The following NECAB2 variants were observed in gnomAD, a reference collection of about 807,000 sequenced individuals.
The protein encoded by NECAB2 is N-terminal EF-hand calcium binding protein 2.
A neutral mutation model predicts 51.9 loss-of-function variants in NECAB2; 68 were observed. That is an observed-to-expected ratio of 1.31 (90% CI 1.08 to 1.60). The LOEUF (loss-of-function observed/expected upper bound fraction) is 1.60, where lower values mean the gene tolerates loss of function less well. NECAB2 is among the 40% of genes most tolerant of loss of function. NECAB2 has a pLI of 0.00. For missense variants in NECAB2, 854 were observed against 490.3 expected (o/e 1.74, Z -7.00); for synonymous variants, 329 against 203.5 (o/e 1.62, Z -5.25).
At chr16:83,998,463 A>T in intron 10 of NECAB2, 146 bp downstream of exon 10, 1 of 740,274 alleles carries the variant, frequency 1.4e-6, no homozygotes, top group Non-Finnish European at 2.2e-6. Context: ...AAGTGGGTTC[A>T]GGTCTCTACT....
intron 5 of NECAB2, among the ~76,000 whole-genome samples, chr16:83,983,898 CAG>C (rs962606857): frequency 2.0e-5 from 3 of 151,914 alleles, no homozygotes; most frequent in Admixed American, 6.6e-5. Context: ...CAGTGTTAAA[CAG>C]GGGAGGGGAT....
In NECAB2 at chr16:84,000,743, T is replaced by A. The variant is rs372410814; in HGVS notation, c.982T>A (p.Ser328Thr). The A allele has an allele frequency of 4.3e-6, 7 of 1,613,756 alleles. No individual in the cohort carries two copies. Among genetic ancestry groups the A allele is most frequent in the Non-Finnish European group, 5.9e-6 (7 of 1,179,994 alleles). The change falls in exon 11 of 13, where the codon TCA becomes ACA. Residue 328 changes from serine (S) to threonine (T), a missense_variant. Physicochemically the swap from Ser to Thr is moderately conservative, Grantham distance 58 (BLOSUM62 1). Transcript: ENST00000305202. ...NCFHITAVRL[S>T]DGFTFVIYEF... ...TTGCAGCATCACTGCCGTGAGGCTC[T>A]CAGATGGCTTCACCTTTGTCATCTA...
intron 9 of NECAB2, 27 bp downstream of exon 9, chr16:83,997,296 G>A (rs1168700163): frequency 1.2e-6 from 2 of 1,613,854 alleles, no homozygotes; most frequent in Non-Finnish European, 1.7e-6. Flanking sequence ...CCTCTCTTCT[G>A]GGACCACATC....
rs778587896 is a variant in NECAB2, at chr16:83,980,026, GC to G, written c.336-808del. Among the ~76,000 whole-genome samples the G allele has an allele frequency of 4.6e-5, 7 of 152,326 alleles. No homozygotes were observed. The East Asian group carries it at 1.3e-3, about 29-fold the overall frequency. ...GGCACCTCCTGACAGAGCATGCAGA[GC>G]CCCCGAGTGCAGATTCACTGGGCCA... is the stretch of plus-strand genomic sequence containing the variant. On this transcript the variant is annotated intron_variant, in intron 3 of 12. Coordinates refer to ENST00000305202, the MANE Select transcript of NECAB2 (RefSeq NM_019065.3).
chr16:83,966,100 G>A, upstream of NECAB2: 1 of 1,089,368 alleles, frequency 9.2e-7, no homozygotes, highest in Non-Finnish European at 1.3e-6. Context: ...ATGCCCCGGG[G>A]AGGGGTGTCA....
chr16:83,994,152 C>A, intron 6 of NECAB2, 150 bp from the exon 7 acceptor site: 2 of 713,808 alleles, frequency 2.8e-6, no homozygotes, highest in Non-Finnish European at 2.4e-6. Context: ...AACCTCATTT[C>A]CTCCTCTGTC....
intron 6 of NECAB2, 85 bp downstream of exon 6, chr16:83,990,715 T>C: frequency 6.5e-7 from 1 of 1,550,334 alleles, no homozygotes; most frequent in Non-Finnish European, 8.7e-7. Context: ...GGGATGTCTG[T>C]GTACCTAAGA....
intron 10 of NECAB2, among the ~76,000 whole-genome samples, chr16:83,999,294 A>G (rs1056499908): frequency 1.3e-5 from 2 of 152,116 alleles, no homozygotes; most frequent in African/African-American, 2.4e-5. Context: ...ACTCCACTCC[A>G]GGAGGACAGA....
In NECAB2 at chr16:84,001,920, G is replaced by T; in HGVS notation, c.1132+4G>T. On this transcript the variant is annotated splice_donor_region_variant and intron_variant, in intron 12 of 12. Transcript: ENST00000305202. Reference sequence around the variant, plus strand: ...CTCTCCAGGATCTTGGTGCCAGGTAGGGGGCAAAGGCCTGGAACTGCAGTG... The same window carrying T: ...CTCTCCAGGATCTTGGTGCCAGGTATGGGGCAAAGGCCTGGAACTGCAGTG... 6.2e-7 allele frequency: 1 copy of T among 1,612,032 alleles called. No homozygotes were observed. Among genetic ancestry groups the T allele is most frequent in the Non-Finnish European group, 8.5e-7 (1 of 1,179,740 alleles).
chr16:83,970,015 G>A (rs1256703214), intron 1 of NECAB2, among the ~76,000 whole-genome samples: 1 of 152,248 alleles, frequency 6.6e-6, no homozygotes, highest in Non-Finnish European at 1.5e-5. Context: ...ACTCGCTTAC[G>A]CACGCACACA....
chr16:83,992,563 A>C (rs1344186552), intron 6 of NECAB2, among the ~76,000 whole-genome samples: 1 of 152,230 alleles, frequency 6.6e-6, no homozygotes, highest in Non-Finnish European at 1.5e-5. Context: ...GAGGTACCTC[A>C]GGACCAGGAT....
intron 5 of NECAB2, among the ~76,000 whole-genome samples, chr16:83,981,862 G>A (rs1030124679): frequency 2.0e-5 from 3 of 152,170 alleles, no homozygotes; most frequent in African/African-American, 7.2e-5. Flanking sequence ...ACAGGTGCTC[G>A]AGGCAGCAGC....
rs780565649 is a variant in NECAB2, at chr16:83,997,199, G to C, written c.796-17G>C. On this transcript the variant is annotated splice_polypyrimidine_tract_variant and intron_variant, in intron 8 of 12. Coordinates refer to ENST00000305202, the MANE Select transcript of NECAB2 (RefSeq NM_019065.3). ...GGGGCTCTGGGTCTAGCATCACTGT[G>C]TGCTGGATTGTTTCAGGCACTGTGG... The C allele has an allele frequency of 6.2e-7, 1 of 1,613,978 alleles. No individual in the cohort carries two copies. Among genetic ancestry groups the C allele is most frequent in the Admixed American group, 1.7e-5 (1 of 60,002 alleles).
intron 2 of NECAB2, among the ~76,000 whole-genome samples, chr16:83,973,620 G>A (rs995846193): frequency 6.6e-6 from 1 of 152,172 alleles, no homozygotes. Context: ...TCCCTGAGAT[G>A]GGGTCGCCGG....
chr16:83,985,313 CAAAAAAAAAAAAAAAAAAA>C lies in NECAB2; in HGVS notation c.459+4201_459+4219del, dbSNP rs71148868. 1.3e-4 allele frequency among the ~76,000 whole-genome samples: 4 copies of C among 30,192 alleles called. 1 individual carries two copies. Among genetic ancestry groups the C allele is most frequent in the South Asian group, 4.8e-3 (2 of 418 alleles). The allele number at this position is 30,192 out of a possible 152,430, so 19.8% of individuals were successfully genotyped here. On this transcript the variant is annotated intron_variant, in intron 5 of 12. Coordinates refer to ENST00000305202, the MANE Select transcript of NECAB2 (RefSeq NM_019065.3). The stretch of plus-strand genomic sequence containing the variant: ...GGACAACAAGAGCAAATCTCTGTCT[CAAAAAAAAAAAAAAAAAAA>C]AAAAAAAAAAAAAAGGTTACTGCTG...
In NECAB2 at chr16:83,998,211, C is replaced by G. The variant is rs1255927389; in HGVS notation, c.856C>G (p.Gln286Glu). The G allele has an allele frequency of 1.3e-5, 21 of 1,609,448 alleles. No individual in the cohort carries two copies. Among genetic ancestry groups the G allele is most frequent in the Non-Finnish European group, 1.7e-5 (20 of 1,179,956 alleles). ...CTCCTGCTGTGCCCGGCAGCACCTG[C>G]AGCTGGTCCGGCAGGAGATGGCCGT... ...SDEDGTNMHL[Q>E]LVRQEMAVCP... Residue 286 changes from glutamine to glutamate, a missense_variant, in exon 10 of 13, where the codon CAG becomes GAG. By Grantham distance (29) the Gln-to-Glu change is conservative (BLOSUM62 2). Coordinates refer to ENST00000305202, the MANE Select transcript of NECAB2 (RefSeq NM_019065.3).
chr16:83,997,079 G>A (rs935206008), intron 8 of NECAB2, 137 bp from the exon 9 acceptor site: 13 of 865,380 alleles, frequency 1.5e-5, no homozygotes, highest in Middle Eastern at 3.3e-4. Flanking sequence ...CCACTTCCTA[G>A]CGTTGGTCTC....
intron 3 of NECAB2, among the ~76,000 whole-genome samples, chr16:83,978,924 C>T (rs772905346): frequency 6.6e-6 from 1 of 152,132 alleles, no homozygotes; most frequent in Non-Finnish European, 1.5e-5. Context: ...CCAGTCCCAA[C>T]ATTAACTGTG....
intron 5 of NECAB2, among the ~76,000 whole-genome samples, chr16:83,986,712 G>A (rs188198263): frequency 2.7e-5 from 4 of 149,208 alleles, no homozygotes; most frequent in African/African-American, 1.0e-4. Flanking sequence ...TAGAGACAGG[G>A]TTTCCCTATT....
Sources: allele counts gnomAD v4.1 joint callset (sites outside exome capture counted in the v4.1 genomes callset), GRCh38; gene constraint gnomAD v4.1.1; transcripts MANE v1.5; gene names NCBI Gene and HGNC (gene_info 2026-07-23, HGNC 2026-07-21).